Variants in SF3A1 observed in about 807,000 individuals in gnomAD.
SF3A1 encodes the protein splicing factor 3a subunit 1.
Under a neutral mutation model 89.9 loss-of-function variants are expected in SF3A1, and 13 were observed. That is an observed-to-expected ratio of 0.14 (90% CI 0.09 to 0.23). SF3A1 has a LOEUF of 0.23. SF3A1 is among the 10% of genes least tolerant of loss of function. SF3A1 has a pLI of 1.00. For missense variants in SF3A1, 604 were observed against 1,022.1 expected, an observed-to-expected ratio of 0.59 and a Z score of 5.58; for synonymous variants, 405 against 374.4, an observed-to-expected ratio of 1.08 and a Z score of -0.94.
chr22:30,349,757 A>G (rs2145819169), intron 2 of SF3A1, among the ~76,000 whole-genome samples: 1 of 151,582 alleles, frequency 6.6e-6, no homozygotes, highest in Middle Eastern at 3.4e-3. Context: ...CTCAGGCTCA[A>G]GTGATCCTCC....
intron 1 of SF3A1, among the ~76,000 whole-genome samples, chr22:30,356,300 T>G (rs974362687): frequency 6.6e-6 from 1 of 152,200 alleles, no homozygotes; most frequent in Non-Finnish European, 1.5e-5. Flanking sequence ...TGCTGAGAAT[T>G]AACATCCAAA....
At position 30,337,064 on chromosome 22, in the gene SF3A1, T is replaced by A; in HGVS notation, c.2068A>T (p.Ser690Cys). ...PTSKKLKTEDSLMPEEEFLRR... is the reference protein window; with the variant it reads ...PTSKKLKTEDCLMPEEEFLRR... ...AGGAACTCCTCCTCTGGCATGAGGC[T>A]GTCCTCTGTCTTCAGTTTTTTGGAG... Residue 690 changes from serine to cysteine, a missense_variant, in exon 13 of 16, where the codon AGC (serine) becomes TGC (cysteine). Transcript: ENST00000215793. 6.2e-7 allele frequency: 1 copy of A among 1,614,234 alleles called. No homozygotes were observed. The highest frequency in any genetic ancestry group is 8.5e-7 in the Non-Finnish European group (1 of 1,180,040).
chr22:30,353,786 T>C (rs1931673982), intron 1 of SF3A1, among the ~76,000 whole-genome samples: 1 of 152,190 alleles, frequency 6.6e-6, no homozygotes, highest in South Asian at 2.1e-4. Flanking sequence ...TCTTCCTTCT[T>C]TAATCCGGTG....
At chr22:30,342,518 G>C (rs1931291701) in intron 5 of SF3A1, 168 bp from the exon 6 acceptor site, 2 of 754,366 alleles carry the variant, frequency 2.7e-6, no homozygotes, top group Admixed American at 5.8e-5. Flanking sequence ...GCAGAGTTGG[G>C]ACAGAATGAA....
chr22:30,337,309 T>C, intron 12 of SF3A1, 129 bp from the exon 13 acceptor site: 2 of 898,776 alleles, frequency 2.2e-6, no homozygotes, highest in Non-Finnish European at 3.3e-6. Context: ...TGTTCCCTGC[T>C]AAGTCTGGCA....
intron 13 of SF3A1, among the ~76,000 whole-genome samples, chr22:30,336,542 C>T (rs191953129): frequency 6.6e-6 from 1 of 152,268 alleles, no homozygotes; most frequent in Admixed American, 6.5e-5. Flanking sequence ...CTTACTGCAG[C>T]CTGACAGCTT....
Position 30,334,564 on chromosome 22 carries a change from G to C in SF3A1, c.*30C>G. The stretch of plus-strand genomic sequence containing the variant: ...GGGTGGGAGACAGGAGAGGCAAAAT[G>C]GCAGGGACTTGACAGCAGGTTCCTC... On this transcript the variant is annotated 3_prime_UTR_variant, in exon 16 of 16. Coordinates refer to ENST00000215793, the MANE Select transcript of SF3A1 (RefSeq NM_005877.6). 1 of 1,456,272 alleles carries C rather than the reference G, an allele frequency of 6.9e-7. No individual in the cohort carries two copies. Among genetic ancestry groups the C allele is most frequent in the East Asian group, 2.5e-5 (1 of 39,446 alleles). The allele number at this position is 1,456,272 out of a possible 1,614,324, so 90.2% of individuals were successfully genotyped here. A position where few individuals can be genotyped will look rare whatever the true frequency, so the allele number is the denominator to read the frequency against.
intron 1 of SF3A1, 122 bp downstream of exon 1, chr22:30,356,608 C>T: frequency 1.4e-6 from 1 of 722,500 alleles, no homozygotes; most frequent in Non-Finnish European, 2.0e-6. Context: ...GGGAAGCGCG[C>T]AGCCTCTTGG....
At chr22:30,347,656 T>G (rs975199539) in intron 2 of SF3A1, among the ~76,000 whole-genome samples, 1 of 152,204 alleles carries the variant, frequency 6.6e-6, no homozygotes, top group South Asian at 2.1e-4. Flanking sequence ...ACAACACCTG[T>G]GTCAGTCAGA....
chr22:30,335,399 A>T, intron 15 of SF3A1, 68 bp downstream of exon 15: 2 of 1,345,856 alleles, frequency 1.5e-6, no homozygotes, highest in Non-Finnish European at 2.1e-6. Context: ...CTTCCATGAC[A>T]GATTTAGCTT....
chr22:30,350,746 G>A (rs572716717), intron 2 of SF3A1, among the ~76,000 whole-genome samples: 1 of 152,322 alleles, frequency 6.6e-6, no homozygotes, highest in Non-Finnish European at 1.5e-5. Context: ...CTCTGGTAAT[G>A]AGAATATGGT....
chr22:30,338,031 A>C, intron 11 of SF3A1, 134 bp from the exon 12 acceptor site: 1 of 724,542 alleles, frequency 1.4e-6, no homozygotes. Context: ...TGGGACTGAG[A>C]AACTGTGGCC....
chr22:30,344,834 A>G, intron 4 of SF3A1, 99 bp downstream of exon 4: 2 of 1,366,058 alleles, frequency 1.5e-6, no homozygotes, highest in Non-Finnish European at 2.0e-6. Context: ...CCCATGGAGA[A>G]GCGATGTCCT....
At position 30,334,558 on chromosome 22, in the gene SF3A1, C is replaced by T; in HGVS notation, c.*36G>A. 1.4e-6 allele frequency: 2 copies of T among 1,422,118 alleles called. No individual in the cohort carries two copies. Among genetic ancestry groups the T allele is most frequent in the African/African-American group, 3.0e-5 (2 of 67,720 alleles). 88.1% of individuals were successfully genotyped at this position (1,422,118 alleles called of 1,614,324 possible). ...GGCAGGGGGTGGGAGACAGGAGAGG[C>T]AAAATGGCAGGGACTTGACAGCAGG... On this transcript the variant is annotated 3_prime_UTR_variant, in exon 16 of 16. Transcript: ENST00000215793.
Position 30,342,893 on chromosome 22 carries a change from G to A in SF3A1, c.652-14C>T. ...TGGAATCAAGATCTGAAATACAGAA[G>A]AGTTAAAGCAACTGTCAGTGCTTTA... On this transcript the variant is annotated splice_polypyrimidine_tract_variant and intron_variant, in intron 4 of 15. Coordinates refer to ENST00000215793, the MANE Select transcript of SF3A1 (RefSeq NM_005877.6). 1.3e-6 allele frequency: 2 copies of A among 1,579,746 alleles called. No individual in the cohort carries two copies. The highest frequency in any genetic ancestry group is 1.1e-5 in the South Asian group (1 of 90,372).
intron 2 of SF3A1, among the ~76,000 whole-genome samples, chr22:30,349,797 C>T (rs374066938): frequency 4.0e-5 from 6 of 151,844 alleles, no homozygotes; most frequent in Admixed American, 2.0e-4. Context: ...ATATGCGCCA[C>T]CATGCCCAGC....
At chr22:30,335,578 G>C in intron 14 of SF3A1, 40 bp from the exon 15 acceptor site, 3 of 1,612,470 alleles carry the variant, frequency 1.9e-6, no homozygotes, top group Non-Finnish European at 2.5e-6. Flanking sequence ...CCTTGGTAAG[G>C]CCAGCTAGAG....
Position 30,334,668 on chromosome 22 carries a change from G to C in SF3A1, c.2308C>G (p.Leu770Val). Residue 770 changes from leucine (L) to valine (V), a missense_variant, in exon 16 of 16, where the codon CTG (leucine) becomes GTG (valine). This residue lies in a region of SF3A1 where 74 missense variants were observed against 141.3 expected (regional missense o/e 0.52). Transcript: ENST00000215793. ...EGIFIKDSNS[L>V]AYYNMANGAV... is the part of the protein sequence containing the mutation. The stretch of plus-strand genomic sequence containing the variant: ...CCATTGGCCATGTTGTAGTAAGCCA[G>C]TGAGTTGGAATCTTTGATGAAGATA... 2 of 1,596,158 alleles carry C rather than the reference G, an allele frequency of 1.3e-6. No homozygotes were observed. Among genetic ancestry groups the C allele is most frequent in the Non-Finnish European group, 8.5e-7 (1 of 1,173,636 alleles).
At chr22:30,356,393 G>A (rs763792641) in intron 1 of SF3A1, among the ~76,000 whole-genome samples, 1 of 152,246 alleles carries the variant, frequency 6.6e-6, no homozygotes. Flanking sequence ...AAGATCAGAG[G>A]ATGGGCTGGA....
Sources: gnomAD v4.1 joint callset for allele counts (sites outside exome capture counted in the v4.1 genomes callset) on GRCh38, gnomAD v4.1.1 for gene constraint, gnomAD v4.1.1 regional missense constraint, MANE v1.5 for transcripts, NCBI Gene and HGNC (gene_info 2026-07-23, HGNC 2026-07-21) for gene names.